MARCHF1: variants seen among roughly 807,000 people sequenced by gnomAD.
MARCHF1 encodes the protein membrane associated ring-CH-type finger 1.
MARCHF1 carries 40 observed loss-of-function variants against 54.2 expected under a neutral mutation model. The ratio of observed to expected loss-of-function variants is 0.74; its 90% confidence interval spans 0.57 to 0.96. The LOEUF (loss-of-function observed/expected upper bound fraction) is 0.96. MARCHF1 is among the 40% of genes least tolerant of loss of function. The pLI, the probability that MARCHF1 is intolerant of heterozygous loss-of-function variation, is 0.00. For missense variants in MARCHF1, 586 were observed against 656.5 expected (o/e 0.89, Z 1.17); for synonymous variants, 236 against 236.3 (o/e 1.00, Z 0.01).
At chr4:164,334,593 G>T (rs1418365693) in intron 1 of MARCHF1, among the ~76,000 whole-genome samples, 3 of 152,042 alleles carry the variant, frequency 2.0e-5, no homozygotes, top group Non-Finnish European at 2.9e-5. Context: ...AACTCTGATG[G>T]AGATGTACAA....
intron 3 of MARCHF1, among the ~76,000 whole-genome samples, chr4:163,920,398 C>T (rs1306348635): frequency 6.6e-6 from 1 of 152,208 alleles, no homozygotes; most frequent in East Asian, 1.9e-4. Flanking sequence ...TCGATTGATG[C>T]TGATACCTTG....
At chr4:163,600,548 G>C (rs1341251624) in intron 7 of MARCHF1, among the ~76,000 whole-genome samples, 1 of 152,126 alleles carries the variant, frequency 6.6e-6, no homozygotes, top group African/African-American at 2.4e-5. Flanking sequence ...CTGATGTGTG[G>C]AGCATTTTGA....
chr4:164,331,474 A>C (rs965183577), intron 1 of MARCHF1, among the ~76,000 whole-genome samples: 1 of 152,230 alleles, frequency 6.6e-6, no homozygotes, highest in African/African-American at 2.4e-5. Flanking sequence ...TTGGCACTTT[A>C]ATTTTGCTTG....
chr4:163,909,078 C>A (rs757407349), intron 3 of MARCHF1, among the ~76,000 whole-genome samples: 1 of 151,940 alleles, frequency 6.6e-6, no homozygotes, highest in Non-Finnish European at 1.5e-5. Context: ...TAATATAGTT[C>A]TTGTGGAACT....
At chr4:164,086,798 C>A (rs1755201554) in intron 2 of MARCHF1, among the ~76,000 whole-genome samples, 2 of 151,916 alleles carry the variant, frequency 1.3e-5, no homozygotes, top group Non-Finnish European at 2.9e-5. Flanking sequence ...TGAATGTGGA[C>A]AGAATTAATT....
At chr4:163,582,223 C>A (rs148289259) in intron 8 of MARCHF1, among the ~76,000 whole-genome samples, 1 of 152,270 alleles carries the variant, frequency 6.6e-6, no homozygotes, top group East Asian at 1.9e-4. Context: ...TTTGACTTTT[C>A]TGGGCCCTCA....
chr4:164,213,917 A>C (rs111482075), intron 1 of MARCHF1, among the ~76,000 whole-genome samples: 100 of 152,256 alleles, frequency 6.6e-4, no homozygotes, highest in African/African-American at 2.2e-3. Context: ...TAAAACAGTT[A>C]AAAGAGCATA....
intron 5 of MARCHF1, among the ~76,000 whole-genome samples, chr4:163,693,239 A>C (rs1402566253): frequency 1.3e-5 from 2 of 151,364 alleles, no homozygotes; most frequent in Non-Finnish European, 2.9e-5. Context: ...AAATCAGTGA[A>C]ATTTTTAGAA....
chr4:163,726,440 C>G (rs528626498), intron 4 of MARCHF1, among the ~76,000 whole-genome samples: 1 of 152,176 alleles, frequency 6.6e-6, no homozygotes, highest in East Asian at 1.9e-4. Context: ...CTTTTCATGG[C>G]TCACCAGATC....
chr4:164,103,897 G>C (rs890791553), intron 2 of MARCHF1, among the ~76,000 whole-genome samples: 1 of 142,000 alleles, frequency 7.0e-6, no homozygotes, highest in African/African-American at 3.0e-5. Flanking sequence ...AAAGAGAGAA[G>C]AATCAATAGA....
chr4:163,692,768 G>T (rs1372607854), intron 5 of MARCHF1, among the ~76,000 whole-genome samples: 1 of 151,016 alleles, frequency 6.6e-6, no homozygotes, highest in Admixed American at 6.6e-5. Context: ...TTAGCTTCTC[G>T]GTCTGTTCCC....
At position 164,084,898 on chromosome 4, in the gene MARCHF1, A is replaced by G. The variant is rs187521311; in HGVS notation, c.-248+26690T>C. Among the ~76,000 whole-genome samples, 84 of 151,940 alleles carry G rather than the reference A, an allele frequency of 5.5e-4. 1 individual carries two copies. The highest frequency in any genetic ancestry group is 3.4e-3 in the Middle Eastern group (1 of 294). ...CAAAACAGTGTTGTGTAAGTGGAAA[A>G]GCTGATGATTTTTTTAAAAGTAATG... is the stretch of plus-strand genomic sequence containing the variant. On this transcript the variant is annotated intron_variant, in intron 2 of 9. Transcript: ENST00000514618.
chr4:164,094,159 C>T (rs1755361268), intron 2 of MARCHF1, among the ~76,000 whole-genome samples: 3 of 151,902 alleles, frequency 2.0e-5, no homozygotes, highest in Admixed American at 1.3e-4. Context: ...AGTGGATGGA[C>T]GTGCCAGCAA....
intron 1 of MARCHF1, among the ~76,000 whole-genome samples, chr4:164,116,770 T>A (rs141977861): frequency 6.6e-6 from 1 of 151,678 alleles, no homozygotes; most frequent in East Asian, 1.9e-4. Flanking sequence ...GAAACAAATG[T>A]GTGTGTGTGT....
intron 3 of MARCHF1, among the ~76,000 whole-genome samples, chr4:163,874,710 C>T (rs1421838425): frequency 6.6e-6 from 1 of 152,020 alleles, no homozygotes; most frequent in African/African-American, 2.4e-5. Flanking sequence ...AAATTTTGTT[C>T]ATTATGGGCC....
chr4:164,197,965 C>T (rs960618698), intron 1 of MARCHF1, among the ~76,000 whole-genome samples: 2 of 152,112 alleles, frequency 1.3e-5, no homozygotes, highest in African/African-American at 4.8e-5. Flanking sequence ...ATCTGATGCT[C>T]ACGTTGATAA....
At chr4:163,834,174 G>A (rs1749111018) in intron 4 of MARCHF1, among the ~76,000 whole-genome samples, 1 of 151,922 alleles carries the variant, frequency 6.6e-6, no homozygotes, top group Non-Finnish European at 1.5e-5. Flanking sequence ...TTTCATGTTT[G>A]ACACAGAAAT....
In MARCHF1 at chr4:164,176,966, CTCTCTCTCTCTCTCTATATATAT is replaced by C. The variant is rs1730690193; in HGVS notation, c.-322-65327_-322-65305del. 4.3e-5 allele frequency among the ~76,000 whole-genome samples: 2 copies of C among 46,732 alleles called. 1 individual carries two copies. Among genetic ancestry groups the C allele is most frequent in the Non-Finnish European group, 7.5e-5 (2 of 26,520 alleles). The allele number at this position is 46,732 out of a possible 152,430, so 30.7% of individuals were successfully genotyped here. A position where few individuals can be genotyped will look rare whatever the true frequency, so the allele number is the denominator to read the frequency against. On this transcript the variant is annotated intron_variant, in intron 1 of 9. Transcript: ENST00000514618. Reference sequence around the variant, plus strand: ...GCTCTCTCTCTCTCTCTCTCTCTCTCTCTCTCTCTCTCTCTATATATATATATATATATATATATATATACAAA... The same window carrying C: ...GCTCTCTCTCTCTCTCTCTCTCTCTCATATATATATATATATATATACAAA...
chr4:164,229,046 A>T (rs1732335148), intron 1 of MARCHF1, among the ~76,000 whole-genome samples: 1 of 152,098 alleles, frequency 6.6e-6, no homozygotes, highest in South Asian at 2.1e-4. Context: ...AGTTCCATAG[A>T]TATGACTTTG....
Sources: gnomAD v4.1 joint callset for allele counts (sites outside exome capture counted in the v4.1 genomes callset) on GRCh38, gnomAD v4.1.1 for gene constraint, MANE v1.5 for transcripts, NCBI Gene and HGNC (gene_info 2026-07-23, HGNC 2026-07-21) for gene names.